MYO6: variants seen among roughly 807,000 people sequenced by gnomAD.
The protein encoded by MYO6 is myosin VI, also known as unconventional myosin-VI.
MYO6 carries 74 observed loss-of-function variants against 178.7 expected under a neutral mutation model. The ratio of observed to expected loss-of-function variants is 0.41; its 90% CI spans 0.34 to 0.50. The LOEUF is 0.50. Ranked by LOEUF, MYO6 falls within the 20% of genes least tolerant of loss-of-function variation. The probability of loss-of-function intolerance (pLI) is 0.09; values close to 1 mark genes in which losing one functional copy is unlikely to be tolerated. For missense variants in MYO6, 1,330 were observed against 1,547.4 expected, an observed-to-expected ratio of 0.86 and a Z score of 2.36; for synonymous variants, 477 against 504.6, an observed-to-expected ratio of 0.95 and a Z score of 0.73.
intron 23 of MYO6, among the ~76,000 whole-genome samples, chr6:75,882,227 A>G (rs1778095320): frequency 6.6e-6 from 1 of 152,144 alleles, no homozygotes; most frequent in African/African-American, 2.4e-5. Flanking sequence ...CAGTCACCAG[A>G]TCCTGTTGAT....
At chr6:75,809,262 T>G (rs192182215) in intron 1 of MYO6, among the ~76,000 whole-genome samples, 1 of 152,300 alleles carries the variant, frequency 6.6e-6, no homozygotes, top group African/African-American at 2.4e-5. Flanking sequence ...GTTCCGAGAT[T>G]TTTTTCCTTT....
At chr6:75,804,806 A>C (rs1326972282) in intron 1 of MYO6, among the ~76,000 whole-genome samples, 1 of 151,492 alleles carries the variant, frequency 6.6e-6, no homozygotes, top group East Asian at 1.9e-4. Flanking sequence ...GCCAAAACCC[A>C]AATTACTTTT....
chr6:75,813,784 C>G (rs542656902), intron 1 of MYO6, among the ~76,000 whole-genome samples: 1 of 152,114 alleles, frequency 6.6e-6, no homozygotes, highest in Non-Finnish European at 1.5e-5. Context: ...TTCTTCCCCC[C>G]AAATCAGTGA....
At chr6:75,867,191 T>G in intron 18 of MYO6, 86 bp downstream of exon 18, 1 of 1,129,862 alleles carries the variant, frequency 8.9e-7, no homozygotes, top group Non-Finnish European at 1.3e-6. Context: ...TAGATCACTG[T>G]CAGAAATCTC....
chr6:75,891,346 C>A (rs751205451), intron 27 of MYO6, 40 bp downstream of exon 27: 4 of 1,490,398 alleles, frequency 2.7e-6, no homozygotes, highest in Non-Finnish European at 3.7e-6. Flanking sequence ...AAAATGGAAC[C>A]TACAGGCTGG....
intron 11 of MYO6, among the ~76,000 whole-genome samples, chr6:75,849,013 A>G (rs1775002422): frequency 6.6e-6 from 1 of 152,230 alleles, no homozygotes; most frequent in Non-Finnish European, 1.5e-5. Flanking sequence ...TGAAAAGAGT[A>G]TTTAAATACA....
chr6:75,858,905 A>G lies in MYO6; in HGVS notation c.1385A>G (p.Tyr462Cys). 1 of 1,595,602 alleles carries G rather than the reference A, an allele frequency of 6.3e-7. No homozygotes were observed. Among genetic ancestry groups the G allele is most frequent in the East Asian group, 2.2e-5 (1 of 44,692 alleles). ...GGTTCTGGTTTTATATTTTCAGAGT[A>G]CTTTGAGCATAACAGTTTTGAACAA... ...IGVLDIAGFE[Y>C]FEHNSFEQFC... The change falls in exon 14 of 35, where the codon TAC becomes TGC. Residue 462 changes from tyrosine to cysteine, a missense_variant. Tyr to Cys is a radical substitution (Grantham distance 194). This residue lies in a region of MYO6 where 613 missense variants were observed against 816.8 expected (regional missense o/e 0.75). Coordinates refer to ENST00000369977, the MANE Select transcript of MYO6 (RefSeq NM_004999.4).
intron 1 of MYO6, among the ~76,000 whole-genome samples, chr6:75,753,599 C>G (rs1777089004): frequency 6.6e-6 from 1 of 151,956 alleles, no homozygotes; most frequent in East Asian, 1.9e-4. Context: ...GTAGCTGGGA[C>G]CACAGGTGTA....
chr6:75,878,172 A>G (rs1253229139), intron 20 of MYO6, among the ~76,000 whole-genome samples: 4 of 152,236 alleles, frequency 2.6e-5, no homozygotes, highest in African/African-American at 4.8e-5. Context: ...AAGAAATCTC[A>G]GCTCTTAGGG....
intron 5 of MYO6, 75 bp from the exon 6 acceptor site, chr6:75,832,767 T>A: frequency 1.2e-6 from 1 of 849,558 alleles, no homozygotes; most frequent in Non-Finnish European, 2.0e-6. Flanking sequence ...GAGTAAGTGG[T>A]CCTAAAGTGA....
At chr6:75,787,644 CATAT>C (rs368613522) in intron 1 of MYO6, among the ~76,000 whole-genome samples, 2 of 116,430 alleles carry the variant, frequency 1.7e-5, no homozygotes. Context: ...GGAACTATTC[CATAT>C]ATATATATAT....
chr6:75,889,322 G>A (rs1411232473), intron 25 of MYO6, among the ~76,000 whole-genome samples: 2 of 152,148 alleles, frequency 1.3e-5, no homozygotes, highest in Non-Finnish European at 2.9e-5. Flanking sequence ...GATATATTTT[G>A]TAATTTTTAA....
At position 75,890,129 on chromosome 6, in the gene MYO6, A is replaced by G; in HGVS notation, c.2731A>G (p.Ser911Gly). The change falls in exon 26 of 35, where the codon AGT becomes GGT. Residue 911 changes from serine (S) to glycine (G), a missense_variant. Ser to Gly is a moderately conservative substitution (Grantham distance 56). Coordinates refer to ENST00000369977, the MANE Select transcript of MYO6 (RefSeq NM_004999.4). ...ALVKSSEELL[S>G]ALQKKKQQEE... ...GGTTAAAAGCTCAGAGGAACTCCTC[A>G]GTGCATTACAGAAAAAAAAACAGCA... is the stretch of plus-strand genomic sequence containing the variant. 6.2e-7 allele frequency: 1 copy of G among 1,614,040 alleles called. No homozygotes were observed. Among genetic ancestry groups the G allele is most frequent in the African/African-American group, 1.3e-5 (1 of 75,040 alleles).
chr6:75,890,214 G>A lies in MYO6; in HGVS notation c.2816G>A (p.Arg939Lys). The change falls in exon 26 of 35, where the codon AGA becomes AAA. Residue 939 changes from arginine (R) to lysine (K), a missense_variant. Physicochemically the swap from Arg to Lys is conservative, Grantham distance 26. Transcript: ENST00000369977. Reference protein sequence around the residue: ...IQEEMEKERKRREEDEKRRRK... With the variant: ...IQEEMEKERKKREEDEKRRRK... ...GAAGAAATGGAAAAGGAAAGAAAAAGACGTGAAGAAGACGAAAAACGTCGA... is the reference window on the plus strand; with the variant it reads ...GAAGAAATGGAAAAGGAAAGAAAAAAACGTGAAGAAGACGAAAAACGTCGA... 6.2e-7 allele frequency: 1 copy of A among 1,611,948 alleles called. No individual in the cohort carries two copies. The highest frequency in any genetic ancestry group is 8.5e-7 in the Non-Finnish European group (1 of 1,178,104).
At chr6:75,778,991 A>G (rs1482848940) in intron 1 of MYO6, among the ~76,000 whole-genome samples, 1 of 136,182 alleles carries the variant, frequency 7.3e-6, no homozygotes, top group Non-Finnish European at 1.5e-5. Context: ...CAGGAGGTTG[A>G]GGCTGCAGTG....
chr6:75,890,033 AC>A (rs766384656), intron 25 of MYO6, 23 bp from the exon 26 acceptor site: 1 of 1,503,988 alleles, frequency 6.6e-7, no homozygotes, highest in Admixed American at 1.7e-5. Flanking sequence ...GCTTTTACGT[AC>A]CTATTTATTT....
At chr6:75,891,806 A>G (rs1417839328) in intron 27 of MYO6, among the ~76,000 whole-genome samples, 1 of 152,176 alleles carries the variant, frequency 6.6e-6, no homozygotes, top group Non-Finnish European at 1.5e-5. Flanking sequence ...TTCAAATCCA[A>G]GATCAGTCAC....
At chr6:75,905,307 G>T (rs577114398) in intron 30 of MYO6, among the ~76,000 whole-genome samples, 1 of 152,194 alleles carries the variant, frequency 6.6e-6, no homozygotes, top group Non-Finnish European at 1.5e-5. Context: ...AATGGCGGGC[G>T]CCCCTCCCCC....
At chr6:75,781,048 A>G (rs376370854) in intron 1 of MYO6, among the ~76,000 whole-genome samples, 1 of 152,020 alleles carries the variant, frequency 6.6e-6, no homozygotes, top group East Asian at 1.9e-4. Flanking sequence ...CCTGACCTCA[A>G]GTGATCCGCC....
Sources: allele counts gnomAD v4.1 joint callset (sites outside exome capture counted in the v4.1 genomes callset), GRCh38; gene constraint gnomAD v4.1.1; regional missense constraint gnomAD v4.1.1; transcripts MANE v1.5; gene names NCBI Gene and HGNC (gene_info 2026-07-23, HGNC 2026-07-21).